OTUD7B: variants seen among roughly 807,000 people sequenced by gnomAD.
OTUD7B encodes the protein OTU domain-containing protein 7B.
A neutral mutation model predicts 82.2 loss-of-function variants in OTUD7B; 34 were observed. The ratio of observed to expected loss-of-function variants is 0.41; its 90% CI spans 0.31 to 0.55. The LOEUF (loss-of-function observed/expected upper bound fraction) is 0.55, where lower values mean the gene tolerates loss of function less well. Among genes scored for constraint, OTUD7B ranks in the 20% least tolerant of loss-of-function variants. The pLI is 0.20. For missense variants in OTUD7B, 944 were observed against 1,062.1 expected (o/e 0.89, Z 1.55); for synonymous variants, 398 against 402.7 (o/e 0.99, Z 0.14).
chr1:150,041,494 G>A, the OTUD7B span, among the ~76,000 whole-genome samples: 22,707 of 151,880 alleles, frequency 0.15, 1,855 homozygotes, highest in African/African-American at 0.18. Flanking sequence ...CACCACACCC[G>A]GCTAATTTTT....
the OTUD7B span, among the ~76,000 whole-genome samples, chr1:150,015,809 G>A: frequency 6.6e-6 from 1 of 152,110 alleles, no homozygotes; most frequent in Non-Finnish European, 1.5e-5. Context: ...GAGGAACACG[G>A]GTGAAACACT....
chr1:150,061,579 G>A, the OTUD7B span, among the ~76,000 whole-genome samples: 4 of 151,992 alleles, frequency 2.6e-5, no homozygotes, highest in Admixed American at 6.6e-5. Flanking sequence ...TTTCATGACC[G>A]CACATAGGAA....
chr1:150,013,514 C>G (rs1199669161), upstream of OTUD7B, among the ~76,000 whole-genome samples: 1 of 152,036 alleles, frequency 6.6e-6, no homozygotes, highest in African/African-American at 2.4e-5. Context: ...ATAATTTAGA[C>G]CATTGGTTCT....
rs138920213 is a variant in OTUD7B, at chr1:150,007,861, A to G, written c.-67+2587T>C. Among the ~76,000 whole-genome samples, 291 of 152,324 alleles carry G rather than the reference A, an allele frequency of 1.9e-3. 2 individuals are homozygous for G. The highest frequency in any genetic ancestry group is 6.8e-3 in the African/African-American group (281 of 41,574). ...GCTATTCCACAGCTCCTAAGTTCCC[A>G]TAGGAAAGATACTGCTGAGGTCACA... On this transcript the variant is annotated intron_variant, in intron 1 of 11. Transcript: ENST00000581312.
the OTUD7B span, among the ~76,000 whole-genome samples, chr1:150,036,907 T>A: frequency 2.0e-4 from 30 of 152,328 alleles, no homozygotes; most frequent in South Asian, 1.7e-3. Flanking sequence ...ATTCTTAGAA[T>A]TGAATTATTC....
chr1:149,993,901 C>T (rs1381036909), intron 1 of OTUD7B, among the ~76,000 whole-genome samples: 1 of 152,132 alleles, frequency 6.6e-6, no homozygotes. Flanking sequence ...CCTGTTTAAA[C>T]TTTCTTGCCC....
chr1:149,975,678 C>T (rs587771395), intron 2 of OTUD7B, among the ~76,000 whole-genome samples: 2 of 152,166 alleles, frequency 1.3e-5, no homozygotes, highest in East Asian at 3.9e-4. Context: ...CAAGAGGTGA[C>T]AAGTCAGGCC....
rs587602152 is a variant in OTUD7B, at chr1:149,952,581, C to T, written c.846-2360G>A. Among the ~76,000 whole-genome samples the T allele has an allele frequency of 1.8e-3, 275 of 152,216 alleles. 2 individuals carry two copies. Among genetic ancestry groups the T allele is most frequent in the Middle Eastern group, 6.8e-3 (2 of 294 alleles). ...TATATACCCAGTAATGGGATGGCTA[C>T]GTCAAATGGGATTTCTAGTTCTAGA... On this transcript the variant is annotated intron_variant, in intron 7 of 11. Coordinates refer to ENST00000581312, the MANE Select transcript of OTUD7B (RefSeq NM_020205.4).
the OTUD7B span, among the ~76,000 whole-genome samples, chr1:150,066,130 T>C: frequency 6.6e-6 from 1 of 152,228 alleles, no homozygotes; most frequent in Non-Finnish European, 1.5e-5. The surrounding 1 kb of genome is among the most constrained non-coding windows in gnomAD (Gnocchi z 4.6). Context: ...TCTTCTATAC[T>C]GCAATCTAAA....
the OTUD7B span, among the ~76,000 whole-genome samples, chr1:150,037,123 A>G: frequency 2.0e-5 from 3 of 152,228 alleles, no homozygotes; most frequent in African/African-American, 7.2e-5. Context: ...TAGATCAGAT[A>G]CAGTCCGGTC....
intron 1 of OTUD7B, among the ~76,000 whole-genome samples, chr1:149,996,168 C>T (rs987103135): frequency 6.6e-6 from 1 of 152,160 alleles, no homozygotes; most frequent in African/African-American, 2.4e-5. Context: ...CAAAAAGAAA[C>T]AAGCAAACAA....
chr1:150,033,650 A>G, the OTUD7B span, among the ~76,000 whole-genome samples: 1 of 152,132 alleles, frequency 6.6e-6, no homozygotes, highest in Admixed American at 6.6e-5. Flanking sequence ...CGTAGCAAGC[A>G]TTTTGCCTTC....
chr1:150,032,453 A>T, the OTUD7B span, among the ~76,000 whole-genome samples: 5 of 108,204 alleles, frequency 4.6e-5, no homozygotes, highest in Non-Finnish European at 8.7e-5. Context: ...ACATAGCAAG[A>T]ACCTGTCTAC....
chr1:149,957,530 G>A (rs587746419), intron 7 of OTUD7B, among the ~76,000 whole-genome samples: 69 of 152,286 alleles, frequency 4.5e-4, no homozygotes, highest in Non-Finnish European at 8.2e-4. Context: ...ATCTCAAACC[G>A]CGTGCTGGGA....
chr1:150,003,923 T>C (rs1482347491), intron 1 of OTUD7B, among the ~76,000 whole-genome samples: 3 of 152,152 alleles, frequency 2.0e-5, no homozygotes, highest in African/African-American at 7.2e-5. Flanking sequence ...ATTGCCACTT[T>C]AAATCCAACA....
the OTUD7B span, among the ~76,000 whole-genome samples, chr1:150,032,465 GAAA>G: frequency 3.7e-3 from 317 of 85,736 alleles, 9 homozygotes; most frequent in South Asian, 0.11. Flanking sequence ...CCTGTCTACA[GAAA>G]AAAAAAAAAA....
chr1:150,032,126 C>T, the OTUD7B span, among the ~76,000 whole-genome samples: 3 of 151,638 alleles, frequency 2.0e-5, no homozygotes. Flanking sequence ...GCCTGGCCAA[C>T]ATGGTGAAAC....
At chr1:150,013,949 C>T (rs1260305), upstream of OTUD7B, among the ~76,000 whole-genome samples, 12,199 of 46,142 alleles carry the variant, frequency 0.26, 1,198 homozygotes, top group African/African-American at 0.39. Flanking sequence ...TATATATATA[C>T]ACACACACAC....
chr1:149,944,236 C>G lies in OTUD7B; in HGVS notation c.2153G>C (p.Gly718Ala). Residue 718 changes from glycine (G) to alanine (A), a missense_variant, in exon 12 of 12, where the codon GGT becomes GCT. Gly to Ala is a moderately conservative substitution (Grantham distance 60, BLOSUM62 0). This residue lies in a region of OTUD7B where 412 missense variants were observed against 418.7 expected (regional missense o/e 0.98). Coordinates refer to ENST00000581312, the MANE Select transcript of OTUD7B (RefSeq NM_020205.4). The part of the protein sequence containing the change: ...CQEPRRQLAG[G>A]PCVGGLPPYA... ...TGGTGGTAGGCCCCCGACACATGGA[C>G]CCCCTGCCAACTGCCTCCGGGGTTC... The G allele has an allele frequency of 6.2e-7, 1 of 1,612,484 alleles. No individual in the cohort carries two copies. The highest frequency in any genetic ancestry group is 8.5e-7 in the Non-Finnish European group (1 of 1,179,008).
Sources: allele counts gnomAD v4.1 joint callset (sites outside exome capture counted in the v4.1 genomes callset), GRCh38; gene constraint gnomAD v4.1.1; regional missense constraint gnomAD v4.1.1; non-coding constraint Gnocchi (gnomAD v3.1); transcripts MANE v1.5; gene names NCBI Gene and HGNC (gene_info 2026-07-23, HGNC 2026-07-21).